The following ITGA6 variants were observed in gnomAD, a reference collection of about 807,000 sequenced individuals.
ITGA6 encodes integrin alpha-6.
Under a neutral mutation model 133.6 loss-of-function variants are expected in ITGA6, and 63 were observed. The ratio of observed to expected loss-of-function variants is 0.47; its 90% CI spans 0.38 to 0.58. The LOEUF (loss-of-function observed/expected upper bound fraction) is 0.58, where lower values mean the gene tolerates loss of function less well. ITGA6 is among the 20% of genes least tolerant of loss of function. The pLI, the probability that ITGA6 is intolerant of heterozygous loss-of-function variation, is 0.00. For synonymous variants in ITGA6, 434 were observed against 482.0 expected (o/e 0.90, Z 1.30); for missense variants, 1,068 against 1,309.4 (o/e 0.82, Z 2.85).
intron 17 of ITGA6, 77 bp downstream of exon 17, chr2:172,487,884 C>T: frequency 2.0e-6 from 3 of 1,489,060 alleles, no homozygotes; most frequent in Non-Finnish European, 9.4e-7. Context: ...CCCTGATCTA[C>T]CTCATAAAAG....
intron 1 of ITGA6, among the ~76,000 whole-genome samples, chr2:172,449,760 A>G (rs1030069364): frequency 6.6e-6 from 1 of 152,040 alleles, no homozygotes; most frequent in Non-Finnish European, 1.5e-5. Flanking sequence ...CGTCTCTACT[A>G]AAAATACAAA....
chr2:172,469,597 C>CT (rs1487077881), intron 4 of ITGA6, among the ~76,000 whole-genome samples: 1 of 152,124 alleles, frequency 6.6e-6, no homozygotes, highest in East Asian at 1.9e-4. Flanking sequence ...CAGTACTTTA[C>CT]TTTAATTCAG....
chr2:172,500,415 C>T (rs1687300691), intron 24 of ITGA6, among the ~76,000 whole-genome samples: 2 of 152,058 alleles, frequency 1.3e-5, no homozygotes, highest in East Asian at 1.9e-4. Flanking sequence ...TGGATCACGA[C>T]GTCAGGAGAT....
chr2:172,442,488 C>G (rs1404505976), intron 1 of ITGA6, among the ~76,000 whole-genome samples: 2 of 152,190 alleles, frequency 1.3e-5, no homozygotes, highest in Non-Finnish European at 2.9e-5. Flanking sequence ...AAAGGTTCCC[C>G]TGAATGCTGT....
At chr2:172,485,478 T>C (rs1319192423) in intron 13 of ITGA6, among the ~76,000 whole-genome samples, 1 of 152,226 alleles carries the variant, frequency 6.6e-6, no homozygotes, top group Non-Finnish European at 1.5e-5. Context: ...AGAGCGTATT[T>C]TCCTTCTTCA....
chr2:172,505,870 T>C lies in ITGA6; in HGVS notation c.*1802T>C, dbSNP rs911101506. The C allele has an allele frequency of 6.6e-6, 1 of 152,610 alleles. No homozygotes were observed. Among genetic ancestry groups the C allele is most frequent in the African/African-American group, 2.4e-5 (1 of 41,444 alleles). 9.5% of individuals were successfully genotyped at this position (152,610 alleles called of 1,614,324 possible). ...TATAACAGTGTTTAAAGTCTCAGTT[T>C]CTTGCTTGGGGAACTTGTGTCCCTA... On this transcript the variant is annotated 3_prime_UTR_variant, in exon 26 of 26. Coordinates refer to ENST00000684293, the MANE Select transcript of ITGA6 (RefSeq NM_000210.4).
At chr2:172,489,241 C>T (rs1346022405) in intron 19 of ITGA6, among the ~76,000 whole-genome samples, 1 of 152,226 alleles carries the variant, frequency 6.6e-6, no homozygotes, top group Non-Finnish European at 1.5e-5. Flanking sequence ...CTGTTGCATA[C>T]AGCAGTTGTT....
Position 172,504,125 on chromosome 2 carries a change from G to C in ITGA6, c.*57G>C, listed in dbSNP as rs1031507552. 2 of 1,600,272 alleles carry C rather than the reference G, an allele frequency of 1.2e-6. No individual in the cohort carries two copies. The highest frequency in any genetic ancestry group is 2.7e-5 in the African/African-American group (2 of 74,174). ...TTTAAACGCTCTAGGTACGATGACA[G>C]TGTTCCCCGATACCATGCTGTAAGG... On this transcript the variant is annotated 3_prime_UTR_variant, in exon 26 of 26. Transcript: ENST00000684293.
At chr2:172,449,483 T>A (rs1684895833) in intron 1 of ITGA6, among the ~76,000 whole-genome samples, 1 of 151,884 alleles carries the variant, frequency 6.6e-6, no homozygotes, top group Admixed American at 6.6e-5. Context: ...AGAAGAAGAG[T>A]CCCTGTGCCC....
intron 11 of ITGA6, among the ~76,000 whole-genome samples, chr2:172,484,329 G>A (rs1686571940): frequency 6.6e-6 from 1 of 151,372 alleles, no homozygotes; most frequent in Non-Finnish European, 1.5e-5. Flanking sequence ...CAGGCCCTCA[G>A]GAGATGCTGC....
chr2:172,450,129 A>T (rs968232366), intron 1 of ITGA6, among the ~76,000 whole-genome samples: 1 of 152,176 alleles, frequency 6.6e-6, no homozygotes, highest in African/African-American at 2.4e-5. Flanking sequence ...TAGAGGGTGC[A>T]GCTGGAGAGG....
intron 1 of ITGA6, among the ~76,000 whole-genome samples, chr2:172,439,790 G>T (rs1684468191): frequency 6.6e-6 from 1 of 152,150 alleles, no homozygotes; most frequent in Non-Finnish European, 1.5e-5. Flanking sequence ...GTGGTAATGT[G>T]GGCCCTGAAA....
chr2:172,466,123 A>G (rs1315622941), intron 2 of ITGA6: 6 of 263,300 alleles, frequency 2.3e-5, no homozygotes, highest in Non-Finnish European at 4.5e-5. Context: ...TCAGATAGAG[A>G]CTTGTTTTGT....
At chr2:172,462,440 C>T (rs10165340) in intron 1 of ITGA6, among the ~76,000 whole-genome samples, 13,370 of 152,210 alleles carry the variant, frequency 0.088, 885 homozygotes, top group African/African-American at 0.19. Context: ...GGTCTCTTTT[C>T]GAATCTGTTG....
chr2:172,427,574 T>C (rs930976793), upstream of ITGA6: 2 of 1,228,940 alleles, frequency 1.6e-6, no homozygotes, highest in Non-Finnish European at 1.0e-6. Flanking sequence ...CGCCTGCGAG[T>C]CTCCAGAGAA....
In ITGA6 at chr2:172,489,603, G is replaced by C. The variant is rs936185243; in HGVS notation, c.2624G>C (p.Gly875Ala). The change falls in exon 20 of 26, where the codon GGA becomes GCA. Residue 875 changes from glycine to alanine, a missense_variant. Coordinates refer to ENST00000684293, the MANE Select transcript of ITGA6 (RefSeq NM_000210.4). ...TATTTGGTGAAAGTAGAATCCAAAG[G>C]ATTGGAAAAGGTAACTTGTGAGCCA... ...LLYLVKVESK[G>A]LEKVTCEPQK... The C allele has an allele frequency of 1.9e-6, 3 of 1,613,908 alleles. No homozygotes were observed. Among genetic ancestry groups the C allele is most frequent in the Non-Finnish European group, 2.5e-6 (3 of 1,179,906 alleles).
At position 172,427,686 on chromosome 2, in the gene ITGA6, A is replaced by T; in HGVS notation, c.-103A>T. 1.5e-6 allele frequency: 2 copies of T among 1,350,514 alleles called. No individual in the cohort carries two copies. Among genetic ancestry groups the T allele is most frequent in the Non-Finnish European group, 1.9e-6 (2 of 1,052,216 alleles). 83.7% of individuals were successfully genotyped at this position (1,350,514 alleles called of 1,614,324 possible). On this transcript the variant is annotated 5_prime_UTR_variant, in exon 1 of 26. Coordinates refer to ENST00000684293, the MANE Select transcript of ITGA6 (RefSeq NM_000210.4). ...TGGGGCCGGGCGCAGCGGCGAGAGG[A>T]GGCGAAGGTGGCTGCGGTAGCAGCA...
At chr2:172,499,027 T>C (rs928011393) in intron 24 of ITGA6, among the ~76,000 whole-genome samples, 2 of 152,244 alleles carry the variant, frequency 1.3e-5, no homozygotes, top group Non-Finnish European at 2.9e-5. Flanking sequence ...TTCTCAAACA[T>C]GTCCGGTCTG....
chr2:172,497,876 T>C, intron 23 of ITGA6, 99 bp from the exon 24 acceptor site: 1 of 1,299,836 alleles, frequency 7.7e-7, no homozygotes, highest in Non-Finnish European at 1.1e-6. Context: ...CAGGCTGCAT[T>C]GTCCAAAATA....
Sources: gnomAD v4.1 joint callset for allele counts (sites outside exome capture counted in the v4.1 genomes callset) on GRCh38, gnomAD v4.1.1 for gene constraint, MANE v1.5 for transcripts, NCBI Gene and HGNC (gene_info 2026-07-23, HGNC 2026-07-21) for gene names.